Variants in KAT2B observed in about 807,000 individuals in gnomAD.
KAT2B encodes lysine acetyltransferase 2B, also known as histone acetyltransferase KAT2B.
A neutral mutation model predicts 105.9 loss-of-function variants in KAT2B; 36 were observed. That is an observed-to-expected ratio of 0.34 (90% CI 0.26 to 0.45). The LOEUF is 0.45. Ranked by LOEUF, KAT2B falls within the 20% of genes least tolerant of loss-of-function variation. The pLI is 1.00. For missense variants in KAT2B, 820 were observed against 1,021.6 expected, an observed-to-expected ratio of 0.80 and a Z score of 2.69; for synonymous variants, 397 against 377.9, an observed-to-expected ratio of 1.05 and a Z score of -0.59.
chr3:20,101,597 T>G, intron 5 of KAT2B, 129 bp downstream of exon 5: 1 of 701,852 alleles, frequency 1.4e-6, no homozygotes. Context: ...GATAATGTCT[T>G]TATAATTTAA....
chr3:20,041,881 A>G (rs1406844178), intron 1 of KAT2B, among the ~76,000 whole-genome samples: 1 of 152,242 alleles, frequency 6.6e-6, no homozygotes, highest in African/African-American at 2.4e-5. Flanking sequence ...TTATTCTACT[A>G]GAACATCTAG....
intron 7 of KAT2B, among the ~76,000 whole-genome samples, chr3:20,118,228 T>C (rs1699239482): frequency 1.4e-5 from 2 of 146,528 alleles, no homozygotes; most frequent in South Asian, 4.2e-4. Context: ...CATATGTAAA[T>C]ATGTAAATAT....
At chr3:20,090,851 A>C (rs6777250) in intron 2 of KAT2B, among the ~76,000 whole-genome samples, 93,773 of 151,966 alleles carry the variant, frequency 0.62, 29,626 homozygotes, top group African/African-American at 0.76. Context: ...GCAATCCTCC[A>C]ACCTCAGCCT....
chr3:20,040,827 G>A (rs753509787), intron 1 of KAT2B, 47 bp downstream of exon 1: 35 of 1,527,562 alleles, frequency 2.3e-5, no homozygotes, highest in Non-Finnish European at 1.7e-5. Flanking sequence ...TAGGGGCCCA[G>A]CCCGCGGGAC....
chr3:20,141,262 A>G (rs1699690151), intron 13 of KAT2B, among the ~76,000 whole-genome samples: 1 of 152,150 alleles, frequency 6.6e-6, no homozygotes, highest in African/African-American at 2.4e-5. Context: ...GTGATTTGTT[A>G]TCTGGTATTG....
chr3:20,060,680 T>C (rs975397120), intron 1 of KAT2B, among the ~76,000 whole-genome samples: 5 of 152,034 alleles, frequency 3.3e-5, no homozygotes, highest in African/African-American at 1.2e-4. Context: ...ATCTTAGTAC[T>C]TTGGGAGGCT....
At position 20,062,098 on chromosome 3, in the gene KAT2B, C is replaced by CATAATATATATTAT. The variant is rs1559514057; in HGVS notation, c.304-10232_304-10231insATATATATTATATA. Among the ~76,000 whole-genome samples the CATAATATATATTAT allele has an allele frequency of 2.8e-3, 210 of 74,544 alleles. 8 individuals are homozygous for CATAATATATATTAT. Among genetic ancestry groups the CATAATATATATTAT allele is most frequent in the African/African-American group, 0.012 (192 of 16,134 alleles). The allele number at this position is 74,544 out of a possible 152,430, so 48.9% of individuals were successfully genotyped here. ...CATATAATATATATTATATATAAAA[C>CATAATATATATTAT]ATATAATATATATTATATAAAACAT... On this transcript the variant is annotated intron_variant, in intron 1 of 17. Transcript: ENST00000263754.
At chr3:20,129,458 A>G (rs1210640524) in intron 11 of KAT2B, among the ~76,000 whole-genome samples, 1 of 144,010 alleles carries the variant, frequency 6.9e-6, no homozygotes, top group East Asian at 2.1e-4. Flanking sequence ...CACTGCAACC[A>G]CCGCCTCATG....
intron 13 of KAT2B, among the ~76,000 whole-genome samples, chr3:20,145,812 C>T (rs1214078350): frequency 6.6e-6 from 1 of 152,086 alleles, no homozygotes; most frequent in East Asian, 1.9e-4. Flanking sequence ...GTTGGAGGTC[C>T]AGCCTTGAAA....
intron 11 of KAT2B, among the ~76,000 whole-genome samples, chr3:20,134,452 G>A (rs192624917): frequency 3.9e-5 from 6 of 152,176 alleles, no homozygotes; most frequent in Non-Finnish European, 7.4e-5. Context: ...GCTGGAGTGC[G>A]TTGGCGCGAT....
chr3:20,077,278 G>A (rs903735864), intron 2 of KAT2B, among the ~76,000 whole-genome samples: 21 of 152,074 alleles, frequency 1.4e-4, no homozygotes, highest in Admixed American at 8.5e-4. Flanking sequence ...GGAGTTTGAG[G>A]CCAAAGTGAG....
rs9859493 is a variant in KAT2B at position 20,111,614 on chromosome 3, C to T, written c.870C>T (p.Asn290=). The T allele has an allele frequency of 2.0e-3, 3,299 of 1,610,024 alleles. 66 individuals carry two copies. The African/African-American group carries it at 0.038, about 19-fold the overall frequency. Residue 290 remains asparagine, a synonymous_variant, in exon 6 of 18, where the codon AAC becomes AAT. Transcript: ENST00000263754. ...GTCACAGGTGGCTGTGTTACTGCAACGTGCCACAGTTCTGCGACAGTCTAC... is the reference window on the plus strand; with the variant it reads ...GTCACAGGTGGCTGTGTTACTGCAATGTGCCACAGTTCTGCGACAGTCTAC... ...ENYTRWLCYC[N]VPQFCDSLPR... is the part of the protein sequence containing the mutation.
At chr3:20,056,993 T>C (rs1301412406) in intron 1 of KAT2B, among the ~76,000 whole-genome samples, 2 of 152,142 alleles carry the variant, frequency 1.3e-5, no homozygotes, top group Non-Finnish European at 2.9e-5. Flanking sequence ...AGTACAGTGA[T>C]GTGAGCTGGT....
intron 2 of KAT2B, among the ~76,000 whole-genome samples, chr3:20,078,019 A>T (rs1463489371): frequency 6.6e-6 from 1 of 152,086 alleles, no homozygotes; most frequent in Non-Finnish European, 1.5e-5. Flanking sequence ...TACAAAAAAT[A>T]CAAAAATCAG....
chr3:20,117,342 T>C (rs1163297420), intron 7 of KAT2B, among the ~76,000 whole-genome samples: 1 of 152,222 alleles, frequency 6.6e-6, no homozygotes, highest in East Asian at 1.9e-4. Context: ...ATGTGTTCTC[T>C]TGGGGGAACA....
chr3:20,127,434 C>G lies in KAT2B; in HGVS notation c.1634C>G (p.Thr545Ser). ...TRLVFDPKHK[T>S]LALIKDGRVI... ...TCTTATTCTTTCAGGAAACACAAAACCCTTGCTTTAATTAAAGATGGCCGT... is the reference window on the plus strand; with the variant it reads ...TCTTATTCTTTCAGGAAACACAAAAGCCTTGCTTTAATTAAAGATGGCCGT... The change falls in exon 11 of 18, where the codon ACC becomes AGC. Residue 545 changes from threonine (T) to serine (S), a missense_variant. Thr to Ser is a moderately conservative substitution (Grantham distance 58, BLOSUM62 1). Coordinates refer to ENST00000263754, the MANE Select transcript of KAT2B (RefSeq NM_003884.5). The G allele has an allele frequency of 7.4e-6, 12 of 1,612,780 alleles. No individual in the cohort carries two copies. Among genetic ancestry groups the G allele is most frequent in the Non-Finnish European group, 1.0e-5 (12 of 1,178,834 alleles).
At chr3:20,129,156 C>T (rs1250874037) in intron 11 of KAT2B, among the ~76,000 whole-genome samples, 4 of 151,626 alleles carry the variant, frequency 2.6e-5, no homozygotes, top group African/African-American at 9.7e-5. Flanking sequence ...ATAAAGCAGC[C>T]TGCAAATATG....
Position 20,040,663 on chromosome 3 carries a change from C to G in KAT2B, c.186C>G (p.Gly62=). ...CGPATAVAAA[G]TAEGPGGGGS... is the part of the protein sequence containing the mutation. Reference sequence around the variant, plus strand: ...CGGCGACGGCAGTGGCTGCAGCGGGCACGGCCGAAGGACCGGGAGGCGGTG... The same window carrying G: ...CGGCGACGGCAGTGGCTGCAGCGGGGACGGCCGAAGGACCGGGAGGCGGTG... Residue 62 remains glycine (G), a synonymous_variant, in exon 1 of 18, where the codon GGC becomes GGG. Coordinates refer to ENST00000263754, the MANE Select transcript of KAT2B (RefSeq NM_003884.5). The G allele has an allele frequency of 6.5e-7, 1 of 1,528,188 alleles. No individual in the cohort carries two copies. Among genetic ancestry groups the G allele is most frequent in the African/African-American group, 1.4e-5 (1 of 69,944 alleles). The allele number at this position is 1,528,188 out of a possible 1,614,324, so 94.7% of individuals were successfully genotyped here.
Position 20,154,172 on chromosome 3 carries a change from C to CATT in KAT2B, c.*1648_*1650dup, listed in dbSNP as rs1699912212. ...GAAAGTTTGTTATTTTCTGAGTAGACATTCTTATAGAGTATTGTCTTTAAA... is the reference window on the plus strand; with the variant it reads ...GAAAGTTTGTTATTTTCTGAGTAGACATTATTCTTATAGAGTATTGTCTTTAAA... On this transcript the variant is annotated 3_prime_UTR_variant, in exon 18 of 18. Coordinates refer to ENST00000263754, the MANE Select transcript of KAT2B (RefSeq NM_003884.5). 1 of 152,544 alleles carries CATT rather than the reference C, an allele frequency of 6.6e-6. No individual in the cohort carries two copies. The highest frequency in any genetic ancestry group is 1.5e-5 in the Non-Finnish European group (1 of 67,996). 9.4% of individuals were successfully genotyped at this position (152,544 alleles called of 1,614,324 possible). A position where few individuals can be genotyped will look rare whatever the true frequency, so the allele number is the denominator to read the frequency against.
Sources: gnomAD v4.1 joint callset for allele counts (sites outside exome capture counted in the v4.1 genomes callset) on GRCh38, gnomAD v4.1.1 for gene constraint, MANE v1.5 for transcripts, NCBI Gene and HGNC (gene_info 2026-07-23, HGNC 2026-07-21) for gene names.